FAT1: variants seen among roughly 807,000 people sequenced by gnomAD.
The protein encoded by FAT1 is protocadherin Fat 1.
A neutral mutation model predicts 329.8 loss-of-function variants in FAT1; 171 were observed. The ratio of observed to expected loss-of-function variants is 0.52; its 90% CI spans 0.46 to 0.59. FAT1 has a LOEUF of 0.59. Ranked by LOEUF, FAT1 falls within the 20% of genes least tolerant of loss-of-function variation. The pLI is 0.00. For missense variants in FAT1, 5,672 were observed against 5,774.4 expected (o/e 0.98, Z 0.57); for synonymous variants, 2,233 against 2,228.6 (o/e 1.00, Z -0.06).
intron 3 of FAT1, among the ~76,000 whole-genome samples, chr4:186,653,295 T>C (rs1741752789): frequency 6.6e-6 from 1 of 152,156 alleles, no homozygotes; most frequent in African/African-American, 2.4e-5. Flanking sequence ...TACTTCCCAA[T>C]GTAGAAGAGA....
intron 10 of FAT1, 65 bp from the exon 11 acceptor site, chr4:186,617,266 A>G: frequency 1.8e-6 from 2 of 1,121,588 alleles, no homozygotes; most frequent in Non-Finnish European, 2.5e-6. Context: ...AGTAACAGAA[A>G]AAATAAACTG....
At chr4:186,706,274 T>C (rs1389272994) in intron 2 of FAT1, among the ~76,000 whole-genome samples, 1 of 152,202 alleles carries the variant, frequency 6.6e-6, no homozygotes, top group African/African-American at 2.4e-5. Flanking sequence ...GAGTTCAAAA[T>C]AGAGTTTGGA....
Position 186,618,914 on chromosome 4 carries a change from T to C in FAT1, c.7672A>G (p.Thr2558Ala), listed in dbSNP as rs1437536590. ...IFTLEKLDRE[T>A]PAEKVISVRL... ...ACTGAGATCACTTTCTCCGCCGGGG[T>C]TTCTCGATCAAGTTTTTCCAAAGTA... Residue 2558 changes from threonine to alanine, a missense_variant, in exon 10 of 27, where the codon ACC becomes GCC. Around this residue, in one of 2 missense-constraint regions of FAT1, gnomAD observed 3,966 missense variants for 3,915.2 expected, o/e 1.01. Coordinates refer to ENST00000441802, the MANE Select transcript of FAT1 (RefSeq NM_005245.4). 6.2e-7 allele frequency: 1 copy of C among 1,613,876 alleles called. No homozygotes were observed. The highest frequency in any genetic ancestry group is 8.5e-7 in the Non-Finnish European group (1 of 1,179,868).
intron 17 of FAT1, among the ~76,000 whole-genome samples, chr4:186,604,790 T>TGAC (rs1458304321): frequency 6.7e-6 from 1 of 148,252 alleles, no homozygotes; most frequent in Non-Finnish European, 1.5e-5. Flanking sequence ...AAAAGGAGGA[T>TGAC]GAAGGAAACA....
intron 2 of FAT1, among the ~76,000 whole-genome samples, chr4:186,699,795 A>C (rs1425723863): frequency 6.6e-6 from 1 of 152,238 alleles, no homozygotes; most frequent in Non-Finnish European, 1.5e-5. Context: ...ACGAACTAAA[A>C]TAATCCAAAA....
rs550890340 is a variant in FAT1 at position 186,708,171 on chromosome 4, C to G, written c.1657G>C (p.Val553Leu). ...WGLPYRREVE[V>L]LATITLNNLN... ...TTATTGAGAGTAATTGTAGCAAGGA[C>G]TTCGACTTCCCGGCGGTACGGCAAG... The change falls in exon 2 of 27, where the codon GTC (valine) becomes CTC (leucine). Residue 553 changes from valine to leucine, a missense_variant. Around this residue, in one of 2 missense-constraint regions of FAT1, gnomAD observed 3,966 missense variants for 3,915.2 expected, o/e 1.01. Coordinates refer to ENST00000441802, the MANE Select transcript of FAT1 (RefSeq NM_005245.4). 1 of 1,614,012 alleles carries G rather than the reference C, an allele frequency of 6.2e-7. No homozygotes were observed. Among genetic ancestry groups the G allele is most frequent in the South Asian group, 1.1e-5 (1 of 91,084 alleles).
intron 2 of FAT1, among the ~76,000 whole-genome samples, chr4:186,705,743 C>T (rs1744555477): frequency 6.6e-6 from 1 of 152,228 alleles, no homozygotes; most frequent in Admixed American, 6.5e-5. Flanking sequence ...CAAAGTGCAA[C>T]ACACGCACTT....
intron 2 of FAT1, among the ~76,000 whole-genome samples, chr4:186,669,029 G>A (rs539607492): frequency 2.0e-5 from 3 of 152,194 alleles, no homozygotes; most frequent in African/African-American, 4.8e-5. Context: ...GTTTTTACAG[G>A]TATCTTTCTA....
At chr4:186,672,900 G>T (rs886139944) in intron 2 of FAT1, among the ~76,000 whole-genome samples, 127 of 152,310 alleles carry the variant, frequency 8.3e-4, no homozygotes, top group African/African-American at 2.9e-3. Flanking sequence ...AAATGTAGCT[G>T]CCAGATGCCG....
chr4:186,630,750 G>A (rs573622618), intron 7 of FAT1, among the ~76,000 whole-genome samples: 1 of 152,200 alleles, frequency 6.6e-6, no homozygotes, highest in East Asian at 1.9e-4. Context: ...TGGACACACA[G>A]AGAGTTACAG....
rs2126618266 is a variant in FAT1 at position 186,663,539 on chromosome 4, G to A, written c.3340C>T (p.Gln1114Ter). The stretch of plus-strand genomic sequence containing the variant: ...AACGATGAAAGAGGCACGACACCCT[G>A]ATCGGTTGCAAAGACTGTTAGCCAA... ...HYWLTVFATD[Q>*]GVVPLSSFIE... is the part of the protein sequence containing the mutation. Residue 1114 changes from glutamine to a stop codon, truncating the protein, a stop_gained, in exon 3 of 27, where the codon CAG becomes TAG. Coordinates refer to ENST00000441802, the MANE Select transcript of FAT1 (RefSeq NM_005245.4). LOFTEE classifies it high-confidence loss of function. 6.2e-7 allele frequency: 1 copy of A among 1,613,722 alleles called. No individual in the cohort carries two copies. The highest frequency in any genetic ancestry group is 1.1e-5 in the South Asian group (1 of 91,072).
rs371598532 is a variant in FAT1, at chr4:186,628,678, G to A, written c.4409C>T (p.Ala1470Val). 3.3e-5 allele frequency: 53 copies of A among 1,613,802 alleles called. 1 individual carries two copies. The highest frequency in any genetic ancestry group is 1.5e-4 in the African/African-American group (11 of 74,912). ...GATTTGCAAAATTTCTGTTTCTGGC[G>A]CTGTATCTTCAGGAATAACAACTTC... ...KYEVVIPEDT[A>V]PETEILQISA... Residue 1470 changes from alanine to valine, a missense_variant, in exon 8 of 27, where the codon GCG (alanine) becomes GTG (valine). This residue lies in a region of FAT1 where 3,966 missense variants were observed against 3,915.2 expected (regional missense o/e 1.01). Transcript: ENST00000441802.
At chr4:186,632,427 T>C (rs946735510) in intron 7 of FAT1, among the ~76,000 whole-genome samples, 3 of 152,176 alleles carry the variant, frequency 2.0e-5, no homozygotes, top group Non-Finnish European at 4.4e-5. Context: ...TTTATTACAA[T>C]TTATGATGTT....
chr4:186,604,749 AAAG>A (rs1739012287), intron 17 of FAT1, among the ~76,000 whole-genome samples, 175 bp from the exon 18 acceptor site: 1 of 151,330 alleles, frequency 6.6e-6, no homozygotes, highest in Non-Finnish European at 1.5e-5. Context: ...AGGAGGAGGG[AAAG>A]GAGAAGGGGT....
chr4:186,623,166 A>G (rs1740130698), intron 9 of FAT1, among the ~76,000 whole-genome samples: 1 of 152,200 alleles, frequency 6.6e-6, no homozygotes, highest in South Asian at 2.1e-4. Flanking sequence ...AGTCTGCAAC[A>G]GGGTGGAGGC....
At chr4:186,723,028 G>A (rs1745529788) in intron 1 of FAT1, among the ~76,000 whole-genome samples, 1 of 152,196 alleles carries the variant, frequency 6.6e-6, no homozygotes, top group Non-Finnish European at 1.5e-5. Context: ...GCAGAAAGCT[G>A]GCTCTCTAAA....
At chr4:186,695,603 C>T (rs1258761077) in intron 2 of FAT1, among the ~76,000 whole-genome samples, 1 of 152,076 alleles carries the variant, frequency 6.6e-6, no homozygotes, top group Non-Finnish European at 1.5e-5. Flanking sequence ...CGCATTCAAC[C>T]AGTATTGGCT....
intron 3 of FAT1, among the ~76,000 whole-genome samples, chr4:186,642,932 G>A (rs1741169548): frequency 6.6e-6 from 1 of 152,218 alleles, no homozygotes; most frequent in Non-Finnish European, 1.5e-5. Context: ...CTTTGGAGGA[G>A]CCTGGAAGAA....
At chr4:186,667,970 T>C (rs928012072) in intron 2 of FAT1, among the ~76,000 whole-genome samples, 15 of 152,108 alleles carry the variant, frequency 9.9e-5, no homozygotes, top group Admixed American at 8.5e-4. Flanking sequence ...GCTGGGGACC[T>C]GGTGGGGCTA....
Sources: gnomAD v4.1 joint callset for allele counts (sites outside exome capture counted in the v4.1 genomes callset) on GRCh38, gnomAD v4.1.1 for gene constraint, gnomAD v4.1.1 regional missense constraint, MANE v1.5 for transcripts, NCBI Gene and HGNC (gene_info 2026-07-23, HGNC 2026-07-21) for gene names.